The following CACNA1E variants were observed in gnomAD, a reference collection of about 807,000 sequenced individuals.
CACNA1E encodes the protein calcium voltage-gated channel subunit alpha1 E, also known as voltage-dependent R-type calcium channel subunit alpha-1E.
In CACNA1E, 40 loss-of-function variants were observed where a neutral mutation model predicts 259.2. The ratio of observed to expected loss-of-function variants is 0.15; its 90% CI spans 0.12 to 0.20. CACNA1E has a LOEUF of 0.20. CACNA1E is among the 10% of genes least tolerant of loss of function. The pLI, the probability that CACNA1E is intolerant of heterozygous loss-of-function variation, is 1.00. For synonymous variants in CACNA1E, 1,104 were observed against 1,138.5 expected, an observed-to-expected ratio of 0.97 and a Z score of 0.61; for missense variants, 1,874 against 3,040.1, an observed-to-expected ratio of 0.62 and a Z score of 9.02.
At chr1:181,406,512 C>T (rs1031201793) in intron 1 of CACNA1E, among the ~76,000 whole-genome samples, 2 of 152,112 alleles carry the variant, frequency 1.3e-5, no homozygotes, top group African/African-American at 4.8e-5. Flanking sequence ...TTCTCTGCCT[C>T]AGCCTCCTGA....
At chr1:181,792,774 C>T (rs1164843046) in intron 44 of CACNA1E, among the ~76,000 whole-genome samples, 1 of 152,176 alleles carries the variant, frequency 6.6e-6, no homozygotes, top group South Asian at 2.1e-4. Context: ...TTAGGTAGCC[C>T]ACGTAAACAT....
chr1:181,739,190 G>A lies in CACNA1E; in HGVS notation c.3656G>A (p.Arg1219Gln). ...ATCCTGCAGGATGGGTCCTACTTCC[G>A]AGACTTGTGGAACATCCTGGACTTT... ...GLILQDGSYF[R>Q]DLWNILDFVV... Residue 1219 changes from arginine to glutamine, a missense_variant, in exon 25 of 48, where the codon CGA becomes CAA. This residue lies in a region of CACNA1E where 188 missense variants were observed against 540.6 expected (regional missense o/e 0.35). Coordinates refer to ENST00000367573, the MANE Select transcript of CACNA1E (RefSeq NM_001205293.3). 1.2e-6 allele frequency: 2 copies of A among 1,613,802 alleles called. No individual in the cohort carries two copies. The highest frequency in any genetic ancestry group is 1.7e-6 in the Non-Finnish European group (2 of 1,179,756).
At chr1:181,693,121 T>G (rs1327618543) in intron 7 of CACNA1E, among the ~76,000 whole-genome samples, 1 of 112,146 alleles carries the variant, frequency 8.9e-6, no homozygotes, top group Admixed American at 1.1e-4. Context: ...AGAATGGCTA[T>G]CTAAAGCAAA....
chr1:181,441,680 G>T (rs1660486954), intron 2 of CACNA1E, among the ~76,000 whole-genome samples: 1 of 152,138 alleles, frequency 6.6e-6, no homozygotes. Context: ...TGACAACTGG[G>T]CCTCAAAGGA....
chr1:181,506,709 C>T (rs567236466), intron 1 of CACNA1E, among the ~76,000 whole-genome samples: 3 of 152,274 alleles, frequency 2.0e-5, no homozygotes, highest in East Asian at 1.9e-4. Context: ...GGAGAAGAAA[C>T]GCCATTGCAT....
intron 33 of CACNA1E, 37 bp from the exon 34 acceptor site, chr1:181,763,369 A>G (rs1658754119): frequency 6.6e-7 from 1 of 1,525,092 alleles, no homozygotes; most frequent in African/African-American, 1.4e-5. Flanking sequence ...AAATCACCAT[A>G]ATGTTCCTAA....
At chr1:181,333,679 G>A (rs1429155567) in intron 1 of CACNA1E, among the ~76,000 whole-genome samples, 3 of 150,440 alleles carry the variant, frequency 2.0e-5, no homozygotes, top group Non-Finnish European at 3.0e-5. Flanking sequence ...TTTTTGAGAC[G>A]GAGTCTCACT....
chr1:181,527,435 C>T, intron 3 of CACNA1E, among the ~76,000 whole-genome samples: 1 of 152,202 alleles, frequency 6.6e-6, no homozygotes, highest in East Asian at 1.9e-4. Flanking sequence ...AACATTCAGT[C>T]TATTACAGTG....
At chr1:181,577,493 A>C (rs1651090885) in intron 3 of CACNA1E, among the ~76,000 whole-genome samples, 1 of 152,220 alleles carries the variant, frequency 6.6e-6, no homozygotes, top group Non-Finnish European at 1.5e-5. Context: ...GGAATGGGAC[A>C]GATGTTGTGG....
In CACNA1E at chr1:181,585,869, C is replaced by T. The variant is rs572698699; in HGVS notation, c.951+5093C>T. Among the ~76,000 whole-genome samples the T allele has an allele frequency of 3.9e-5, 6 of 152,254 alleles. No homozygotes were observed. In the East Asian group the frequency reaches 7.7e-4, roughly 20 times the overall value. On this transcript the variant is annotated intron_variant, in intron 6 of 47. Coordinates refer to ENST00000367573, the MANE Select transcript of CACNA1E (RefSeq NM_001205293.3). Reference sequence around the variant, plus strand: ...GAATAGTCAGTCAGATCATGTGGAGCCCTGAAGGCCATTATACAGACTCTG... The same window carrying T: ...GAATAGTCAGTCAGATCATGTGGAGTCCTGAAGGCCATTATACAGACTCTG...
Position 181,806,793 on chromosome 1 carries a change from C to T in CACNA1E, c.*7959C>T, listed in dbSNP as rs1395670944. On this transcript the variant is annotated 3_prime_UTR_variant, in exon 48 of 48. Transcript: ENST00000367573. ...AACCTTGTTGTAAAGAATGCATCGG[C>T]CTGATTTCCCTCACTTGATGTGTTT... The T allele has an allele frequency of 6.6e-6, 1 of 152,132 alleles. No homozygotes were observed. Among genetic ancestry groups the T allele is most frequent in the East Asian group, 1.9e-4 (1 of 5,196 alleles). 9.4% of individuals were successfully genotyped at this position (152,132 alleles called of 1,614,324 possible).
chr1:181,516,937 G>A (rs1666634178), intron 3 of CACNA1E, among the ~76,000 whole-genome samples: 1 of 149,628 alleles, frequency 6.7e-6, no homozygotes, highest in African/African-American at 2.5e-5. Flanking sequence ...GGGCAGGTGT[G>A]TCTGTGCCTG....
intron 3 of CACNA1E, among the ~76,000 whole-genome samples, chr1:181,523,938 G>T (rs1402791108): frequency 2.0e-5 from 3 of 152,238 alleles, no homozygotes; most frequent in Admixed American, 2.0e-4. Context: ...TGGAGTTCAC[G>T]AGATATATGG....
chr1:181,752,247 T>G lies in CACNA1E; in HGVS notation c.3828+8T>G, dbSNP rs1319526397. ...CGCTTGCCCAAGCTCAAGGTAGTGT[T>G]TACAGAGTTTGTTCCCATCAAATCC... On this transcript the variant is annotated splice_region_variant and intron_variant, in intron 27 of 47. Coordinates refer to ENST00000367573, the MANE Select transcript of CACNA1E (RefSeq NM_001205293.3). The G allele has an allele frequency of 1.2e-6, 2 of 1,601,136 alleles. No individual in the cohort carries two copies. Among genetic ancestry groups the G allele is most frequent in the Non-Finnish European group, 1.7e-6 (2 of 1,168,126 alleles).
At chr1:181,398,702 A>C (rs1342762400) in intron 1 of CACNA1E, among the ~76,000 whole-genome samples, 1 of 152,096 alleles carries the variant, frequency 6.6e-6, no homozygotes, top group Non-Finnish European at 1.5e-5. Flanking sequence ...TGTCACCCCC[A>C]CCCAACCTGG....
intron 1 of CACNA1E, among the ~76,000 whole-genome samples, chr1:181,411,387 A>G (rs1332658405): frequency 6.6e-6 from 1 of 152,142 alleles, no homozygotes; most frequent in African/African-American, 2.4e-5. Context: ...CTCAACCTTT[A>G]GGGGTGTAGT....
intron 3 of CACNA1E, among the ~76,000 whole-genome samples, chr1:181,535,433 C>T (rs1668094828): frequency 6.6e-6 from 1 of 152,012 alleles, no homozygotes; most frequent in South Asian, 2.1e-4. Context: ...AACATCATCA[C>T]AAAACTTTTG....
chr1:181,501,999 T>A (rs992670785), intron 1 of CACNA1E, among the ~76,000 whole-genome samples: 2 of 151,940 alleles, frequency 1.3e-5, no homozygotes, highest in Admixed American at 1.3e-4. Flanking sequence ...AGGAAAGCAA[T>A]GAGATGATGA....
chr1:181,778,507 A>G (rs1374285794), intron 38 of CACNA1E, among the ~76,000 whole-genome samples: 1 of 152,182 alleles, frequency 6.6e-6, no homozygotes, highest in Non-Finnish European at 1.5e-5. Flanking sequence ...TGTGCTTATA[A>G]TTTCCAGCGG....
Sources: gnomAD v4.1 joint callset for allele counts (sites outside exome capture counted in the v4.1 genomes callset) on GRCh38, gnomAD v4.1.1 for gene constraint, gnomAD v4.1.1 regional missense constraint, MANE v1.5 for transcripts, NCBI Gene and HGNC (gene_info 2026-07-23, HGNC 2026-07-21) for gene names.